PAN3: variants seen among roughly 807,000 people sequenced by gnomAD.
The protein encoded by PAN3 is PAN2-PAN3 deadenylation complex subunit PAN3.
PAN3 carries 19 observed loss-of-function variants against 96.2 expected under a neutral mutation model. The observed-to-expected ratio is 0.20, with a 90% CI of 0.14 to 0.29. The LOEUF (loss-of-function observed/expected upper bound fraction) is 0.29. Ranked by LOEUF, PAN3 falls within the 10% of genes least tolerant of loss-of-function variation. The pLI is 1.00. For missense variants in PAN3, 882 were observed against 1,108.1 expected (o/e 0.80, Z 2.90); for synonymous variants, 433 against 406.6 (o/e 1.06, Z -0.78).
At chr13:28,240,601 A>C (rs563214040) in intron 6 of PAN3, among the ~76,000 whole-genome samples, 1 of 152,352 alleles carries the variant, frequency 6.6e-6, no homozygotes, top group East Asian at 1.9e-4. Context: ...ATAGTCATCC[A>C]TCATGGCAGA....
chr13:28,215,803 C>A, intron 5 of PAN3: 1 of 1,383,290 alleles, frequency 7.2e-7, no homozygotes. Flanking sequence ...GTGAGACAGA[C>A]AGTTGCTGTG....
chr13:28,248,273 C>T (rs1036977753), intron 6 of PAN3, among the ~76,000 whole-genome samples: 2 of 152,076 alleles, frequency 1.3e-5, no homozygotes, highest in Admixed American at 1.3e-4. Context: ...GTTTCATATC[C>T]TGAAACTTTT....
intron 4 of PAN3, among the ~76,000 whole-genome samples, chr13:28,180,775 A>G (rs1875666172): frequency 6.6e-6 from 1 of 152,140 alleles, no homozygotes; most frequent in Non-Finnish European, 1.5e-5. Flanking sequence ...TATGTGATTT[A>G]CTGGGGTCAG....
chr13:28,213,708 A>AC (rs201358646), intron 5 of PAN3, among the ~76,000 whole-genome samples: 15,893 of 151,214 alleles, frequency 0.11, 996 homozygotes, highest in Middle Eastern at 0.2. Flanking sequence ...ACAGCAAAAA[A>AC]AAAAAAAAAA....
At chr13:28,279,411 G>T (rs1030016534) in intron 15 of PAN3, among the ~76,000 whole-genome samples, 2 of 152,058 alleles carry the variant, frequency 1.3e-5, no homozygotes, top group African/African-American at 4.8e-5. Flanking sequence ...AACAGGAAAA[G>T]CTCCCCACCC....
At chr13:28,238,385 G>A (rs1883292395) in intron 6 of PAN3, among the ~76,000 whole-genome samples, 1 of 152,142 alleles carries the variant, frequency 6.6e-6, no homozygotes, top group African/African-American at 2.4e-5. Context: ...AATCAATAAG[G>A]CATTAAAAAC....
chr13:28,155,602 A>C (rs530775242), intron 1 of PAN3, among the ~76,000 whole-genome samples: 1 of 152,252 alleles, frequency 6.6e-6, no homozygotes, highest in South Asian at 2.1e-4. Context: ...AAAAAATAAA[A>C]ATTAAAAAAC....
At chr13:28,189,848 G>A (rs897926205) in intron 4 of PAN3, among the ~76,000 whole-genome samples, 1 of 152,152 alleles carries the variant, frequency 6.6e-6, no homozygotes, top group African/African-American at 2.4e-5. Context: ...GAAGATTTCT[G>A]TGTTCACTAT....
intron 1 of PAN3, among the ~76,000 whole-genome samples, chr13:28,143,372 A>G (rs1223788217): frequency 1.3e-5 from 2 of 152,174 alleles, no homozygotes; most frequent in East Asian, 1.9e-4. Flanking sequence ...AATATTTTCA[A>G]CTGGCTAGAT....
chr13:28,179,100 A>G (rs918419187), intron 4 of PAN3, among the ~76,000 whole-genome samples: 4 of 152,268 alleles, frequency 2.6e-5, no homozygotes, highest in African/African-American at 9.6e-5. Flanking sequence ...TTTAGCAACT[A>G]GAATTGATAG....
chr13:28,218,517 A>G (rs550251822), intron 5 of PAN3, among the ~76,000 whole-genome samples: 1 of 152,276 alleles, frequency 6.6e-6, no homozygotes, highest in South Asian at 2.1e-4. Flanking sequence ...GTGGTTATTG[A>G]ATCTGTAGAA....
intron 5 of PAN3, among the ~76,000 whole-genome samples, chr13:28,201,121 A>C (rs1593461154): frequency 7.0e-6 from 1 of 142,750 alleles, no homozygotes; most frequent in Non-Finnish European, 1.5e-5. Flanking sequence ...CATAGTCTCG[A>C]CCTCCTGTGC....
chr13:28,143,884 G>A (rs1398332206), intron 1 of PAN3, among the ~76,000 whole-genome samples: 2 of 152,158 alleles, frequency 1.3e-5, no homozygotes, highest in Non-Finnish European at 1.5e-5. Context: ...GTGTGGCAAA[G>A]CTGTTTTTGT....
chr13:28,223,234 G>T (rs1881589899), intron 6 of PAN3, among the ~76,000 whole-genome samples: 1 of 152,098 alleles, frequency 6.6e-6, no homozygotes, highest in African/African-American at 2.4e-5. Flanking sequence ...CAGCTAATTA[G>T]GTTTTTAAAA....
At chr13:28,194,490 AGACG>A (rs1350107083) in intron 4 of PAN3, among the ~76,000 whole-genome samples, 1 of 120,104 alleles carries the variant, frequency 8.3e-6, no homozygotes, top group Non-Finnish European at 1.6e-5. Context: ...TTTTTTGTAG[AGACG>A]GAGTCTTGCT....
At chr13:28,204,801 A>G (rs1256616537) in intron 5 of PAN3, among the ~76,000 whole-genome samples, 1 of 152,186 alleles carries the variant, frequency 6.6e-6, no homozygotes, top group Non-Finnish European at 1.5e-5. Context: ...AAATCACGCT[A>G]ATTTTGTCTC....
At chr13:28,246,661 G>C (rs1884226418) in intron 6 of PAN3, among the ~76,000 whole-genome samples, 1 of 152,102 alleles carries the variant, frequency 6.6e-6, no homozygotes, top group African/African-American at 2.4e-5. Context: ...CTGCATATGA[G>C]TGAGAACATG....
chr13:28,151,737 G>A (rs780863950), intron 1 of PAN3, among the ~76,000 whole-genome samples: 4 of 152,168 alleles, frequency 2.6e-5, no homozygotes, highest in Non-Finnish European at 5.9e-5. Context: ...TTTCAAGAGT[G>A]TGGAAGGTTA....
chr13:28,198,445 A>G (rs1478185389), intron 5 of PAN3, among the ~76,000 whole-genome samples: 1 of 152,208 alleles, frequency 6.6e-6, no homozygotes. Flanking sequence ...CTCTAAAACT[A>G]ACTTCAATAG....
Sources: gnomAD v4.1 joint callset for allele counts (sites outside exome capture counted in the v4.1 genomes callset) on GRCh38, gnomAD v4.1.1 for gene constraint, MANE v1.5 for transcripts, NCBI Gene and HGNC (gene_info 2026-07-23, HGNC 2026-07-21) for gene names.